ZFPM2: variants seen among roughly 807,000 people sequenced by gnomAD.
The protein encoded by ZFPM2 is zinc finger protein ZFPM2.
A neutral mutation model predicts 98.6 loss-of-function variants in ZFPM2; 20 were observed. The ratio of observed to expected loss-of-function variants is 0.20; its 90% CI spans 0.14 to 0.29. The LOEUF (loss-of-function observed/expected upper bound fraction) is 0.29. Among genes scored for constraint, ZFPM2 ranks in the 10% least tolerant of loss-of-function variants. ZFPM2 has a pLI of 1.00. For missense variants in ZFPM2, 1,310 were observed against 1,388.6 expected, an observed-to-expected ratio of 0.94 and a Z score of 0.90; for synonymous variants, 518 against 502.7, an observed-to-expected ratio of 1.03 and a Z score of -0.41.
chr8:105,410,279 C>G (rs1442935799), intron 1 of ZFPM2, among the ~76,000 whole-genome samples: 2 of 151,866 alleles, frequency 1.3e-5, no homozygotes, highest in Admixed American at 1.3e-4. Flanking sequence ...ATTCATGTAA[C>G]TGTATTGTTA....
At chr8:105,600,280 T>C (rs1158969327) in intron 4 of ZFPM2, among the ~76,000 whole-genome samples, 1 of 152,156 alleles carries the variant, frequency 6.6e-6, no homozygotes, top group African/African-American at 2.4e-5. Flanking sequence ...GACTATATTT[T>C]GACTATTAAT....
chr8:105,669,664 G>A (rs72673790), intron 5 of ZFPM2, among the ~76,000 whole-genome samples: 67 of 151,926 alleles, frequency 4.4e-4, no homozygotes, highest in Non-Finnish European at 7.9e-4. Flanking sequence ...ATGTGACAGG[G>A]TCAGTAACGA....
At position 105,595,750 on chromosome 8, in the gene ZFPM2, GA is replaced by G. The variant is rs544756360; in HGVS notation, c.420+34271del. Among the ~76,000 whole-genome samples the G allele has an allele frequency of 1.5e-4, 23 of 152,052 alleles. No individual in the cohort carries two copies. The South Asian group carries it at 4.6e-3, about 30-fold the overall frequency. ...TAGAATAGAGAACATTAAATATCGT[GA>G]ATTTTTTTGCCAACATTTTTTATCT... On this transcript the variant is annotated intron_variant, in intron 4 of 7. Coordinates refer to ENST00000407775, the MANE Select transcript of ZFPM2 (RefSeq NM_012082.4).
chr8:105,463,449 G>A (rs1199202246), intron 3 of ZFPM2, among the ~76,000 whole-genome samples: 1 of 151,408 alleles, frequency 6.6e-6, no homozygotes, highest in African/African-American at 2.4e-5. Flanking sequence ...CTCTTTGAAG[G>A]AAAGAAAGGA....
chr8:105,731,605 T>C lies in ZFPM2; in HGVS notation c.533-57113T>C, dbSNP rs935778034. Among the ~76,000 whole-genome samples, 2 of 151,642 alleles carry C rather than the reference T, an allele frequency of 1.3e-5. 1 individual carries two copies. The highest frequency in any genetic ancestry group is 2.9e-5 in the Non-Finnish European group (2 of 67,804). ...AGCGAACTTTGTTGCTAGGTTAACATCTTATGATTACTGTAAATAGAAAGT... is the reference window on the plus strand; with the variant it reads ...AGCGAACTTTGTTGCTAGGTTAACACCTTATGATTACTGTAAATAGAAAGT... On this transcript the variant is annotated intron_variant, in intron 5 of 7. Transcript: ENST00000407775.
At chr8:105,639,006 T>G (rs1816901346) in intron 5 of ZFPM2, among the ~76,000 whole-genome samples, 1 of 152,040 alleles carries the variant, frequency 6.6e-6, no homozygotes, top group South Asian at 2.1e-4. Context: ...GGTCGTCTGT[T>G]TTTTGCCATT....
intron 4 of ZFPM2, among the ~76,000 whole-genome samples, chr8:105,616,051 A>G (rs140363829): frequency 6.6e-6 from 1 of 152,216 alleles, no homozygotes; most frequent in Non-Finnish European, 1.5e-5. Context: ...TTTATAGCAT[A>G]TGGTGTAAGA....
At chr8:105,422,985 A>G (rs542319029) in intron 2 of ZFPM2, among the ~76,000 whole-genome samples, 36 of 152,280 alleles carry the variant, frequency 2.4e-4, no homozygotes, top group African/African-American at 7.5e-4. Context: ...TAGTTCTTCA[A>G]TGGCTCTTAT....
intron 5 of ZFPM2, among the ~76,000 whole-genome samples, chr8:105,749,492 T>C (rs1485836404): frequency 6.6e-6 from 1 of 152,060 alleles, no homozygotes; most frequent in Non-Finnish European, 1.5e-5. Context: ...TTTGATTCTT[T>C]TGCTTTGAGA....
intron 4 of ZFPM2, among the ~76,000 whole-genome samples, chr8:105,631,976 C>T (rs1026079605): frequency 2.0e-5 from 3 of 151,932 alleles, no homozygotes; most frequent in African/African-American, 7.3e-5. Flanking sequence ...ATAAGATAAT[C>T]TGGGAAAAAT....
intron 3 of ZFPM2, among the ~76,000 whole-genome samples, chr8:105,452,085 A>G (rs1217530877): frequency 6.6e-6 from 1 of 152,212 alleles, no homozygotes. Context: ...AAGCTTTTAC[A>G]TCCTCCATTC....
intron 1 of ZFPM2, among the ~76,000 whole-genome samples, chr8:105,359,664 G>C (rs1357527480): frequency 1.3e-5 from 2 of 152,032 alleles, no homozygotes; most frequent in Non-Finnish European, 1.5e-5. Context: ...GTGAGCCACC[G>C]CGCCCGGCCC....
At chr8:105,562,271 T>C (rs913533526) in intron 4 of ZFPM2, among the ~76,000 whole-genome samples, 1 of 151,818 alleles carries the variant, frequency 6.6e-6, no homozygotes, top group African/African-American at 2.4e-5. Context: ...GATCGTGCCA[T>C]TGCATTCCAG....
chr8:105,728,374 G>A (rs1246629644), intron 5 of ZFPM2, among the ~76,000 whole-genome samples: 4 of 151,678 alleles, frequency 2.6e-5, no homozygotes, highest in Non-Finnish European at 4.4e-5. Context: ...TGTACTTGTC[G>A]AAAGTTAGCT....
intron 1 of ZFPM2, among the ~76,000 whole-genome samples, chr8:105,376,883 C>T (rs1003949499): frequency 6.6e-6 from 1 of 152,128 alleles, no homozygotes. Context: ...AATAATGATA[C>T]CATGCCACTC....
intron 4 of ZFPM2, among the ~76,000 whole-genome samples, chr8:105,613,695 A>G (rs749999401): frequency 6.6e-6 from 1 of 152,146 alleles, no homozygotes; most frequent in Non-Finnish European, 1.5e-5. Flanking sequence ...ACCAACACTC[A>G]CTAAGATAAG....
At chr8:105,738,765 C>A (rs1197038222) in intron 5 of ZFPM2, among the ~76,000 whole-genome samples, 1 of 151,796 alleles carries the variant, frequency 6.6e-6, no homozygotes, top group Admixed American at 6.6e-5. Context: ...TCTCTAATGA[C>A]CAGTGATGTC....
intron 5 of ZFPM2, among the ~76,000 whole-genome samples, chr8:105,688,438 A>C (rs941524820): frequency 2.0e-5 from 3 of 152,170 alleles, no homozygotes; most frequent in Non-Finnish European, 4.4e-5. Flanking sequence ...AAAAAATAAC[A>C]AAAATTATTT....
At chr8:105,340,447 C>T (rs141178553) in intron 1 of ZFPM2, among the ~76,000 whole-genome samples, 2 of 152,016 alleles carry the variant, frequency 1.3e-5, no homozygotes, top group East Asian at 1.9e-4. Flanking sequence ...CTCTGGCAAT[C>T]ATATACATTT....
Sources: gnomAD v4.1 joint callset for allele counts (sites outside exome capture counted in the v4.1 genomes callset) on GRCh38, gnomAD v4.1.1 for gene constraint, MANE v1.5 for transcripts, NCBI Gene and HGNC (gene_info 2026-07-23, HGNC 2026-07-21) for gene names.